PCDHGB7: variants seen among roughly 807,000 people sequenced by gnomAD.
The protein encoded by PCDHGB7 is protocadherin gamma-B7.
In PCDHGB7, 37 loss-of-function variants were observed where a neutral mutation model predicts 61.4. The ratio of observed to expected loss-of-function variants is 0.60; its 90% CI spans 0.46 to 0.79. PCDHGB7 has a LOEUF of 0.79. Ranked by LOEUF, PCDHGB7 falls within the 30% of genes least tolerant of loss-of-function variation. The pLI, the probability that PCDHGB7 is intolerant of heterozygous loss-of-function variation, is 0.00. For synonymous variants in PCDHGB7, 464 were observed against 503.5 expected (o/e 0.92, Z 1.05); for missense variants, 1,166 against 1,202.5 (o/e 0.97, Z 0.45).
chr5:141,494,759 C>A (rs776923097), intron 1 of PCDHGB7, 48 bp from the exon 2 acceptor site: 3 of 1,613,886 alleles, frequency 1.9e-6, no homozygotes, highest in Non-Finnish European at 2.5e-6. Context: ...GGGTGACATT[C>A]TAACTTCTCA....
At chr5:141,460,596 C>G (rs930441447) in intron 1 of PCDHGB7, among the ~76,000 whole-genome samples, 2 of 151,986 alleles carry the variant, frequency 1.3e-5, no homozygotes, top group Non-Finnish European at 2.9e-5. Flanking sequence ...TTTCTGGGCT[C>G]TCTGTGTTAG....
chr5:141,423,078 C>T (rs752144906), intron 1 of PCDHGB7: 2 of 1,614,108 alleles, frequency 1.2e-6, no homozygotes, highest in Non-Finnish European at 1.7e-6. Context: ...AGCCGGGACT[C>T]TTCGCGGTGG....
At chr5:141,440,617 C>T (rs1469883341) in intron 1 of PCDHGB7, 1 of 152,168 alleles carries the variant, frequency 6.6e-6, no homozygotes, top group East Asian at 1.9e-4. Context: ...TGCAGAAGAT[C>T]CTGATGTTGA....
intron 1 of PCDHGB7, among the ~76,000 whole-genome samples, chr5:141,461,782 TAG>T (rs2099022757): frequency 6.6e-6 from 1 of 152,086 alleles, no homozygotes; most frequent in South Asian, 2.1e-4. Context: ...GCCTCCCAAG[TAG>T]CTGGGATTAC....
intron 1 of PCDHGB7, chr5:141,423,748 T>TG: frequency 7.2e-6 from 2 of 278,014 alleles, no homozygotes; most frequent in Admixed American, 4.2e-4. Flanking sequence ...ATGAAAACTG[T>TG]TTGGGGGGGG....
intron 1 of PCDHGB7, chr5:141,428,210 A>T: frequency 7.7e-7 from 1 of 1,293,350 alleles, no homozygotes; most frequent in Non-Finnish European, 1.1e-6. Flanking sequence ...GCTACGCTTC[A>T]CCTAGTCTTC....
intron 1 of PCDHGB7, among the ~76,000 whole-genome samples, chr5:141,464,440 T>C (rs566597587): frequency 6.6e-6 from 1 of 151,608 alleles, no homozygotes; most frequent in South Asian, 2.1e-4. Context: ...TATATGTTTG[T>C]TGTTGTTGTT....
chr5:141,486,843 A>G lies in PCDHGB7; in HGVS notation c.2416-7964A>G, dbSNP rs1455684942. On this transcript the variant is annotated intron_variant, in intron 1 of 3. Coordinates refer to ENST00000398594, the MANE Select transcript of PCDHGB7 (RefSeq NM_018927.4). The surrounding 1 kb of genome is among the most constrained non-coding windows in gnomAD (Gnocchi z 5.0). ...GTAACAGTTCGTCTATTTGTGCTGG[A>G]CCTCAATGACAATGCTCCAGCTGTG... 6.2e-7 allele frequency: 1 copy of G among 1,614,214 alleles called. No homozygotes were observed. Among genetic ancestry groups the G allele is most frequent in the Admixed American group, 1.7e-5 (1 of 60,034 alleles).
chr5:141,473,362 C>A (rs2099320242), intron 1 of PCDHGB7, among the ~76,000 whole-genome samples: 1 of 152,166 alleles, frequency 6.6e-6, no homozygotes, highest in Admixed American at 6.5e-5. Context: ...AAGTGGCCAC[C>A]AAAATAGCAT....
rs772195653 is a variant in PCDHGB7 at position 141,477,704 on chromosome 5, C to A, written c.2416-17103C>A. On this transcript the variant is annotated intron_variant, in intron 1 of 3. Transcript: ENST00000398594. The surrounding 1 kb of genome is among the most constrained non-coding windows in gnomAD (Gnocchi z 4.9). ...CTTAGTGCCCCTAGACTATGAGGAT[C>A]GGCGGGAATTTGAATTAACAGCTCA... The A allele has an allele frequency of 5.0e-6, 8 of 1,613,850 alleles. No individual in the cohort carries two copies. Among genetic ancestry groups the A allele is most frequent in the Non-Finnish European group, 5.9e-6 (7 of 1,180,046 alleles).
At chr5:141,444,471 G>A (rs929365899) in intron 1 of PCDHGB7, among the ~76,000 whole-genome samples, 1 of 151,876 alleles carries the variant, frequency 6.6e-6, no homozygotes, top group Non-Finnish European at 1.5e-5. Flanking sequence ...GCGCCCGGTC[G>A]CGTACTGGAT....
intron 1 of PCDHGB7, among the ~76,000 whole-genome samples, chr5:141,443,722 C>G (rs2098401001): frequency 6.6e-6 from 1 of 152,012 alleles, no homozygotes; most frequent in Admixed American, 6.6e-5. Context: ...TATAAAATTC[C>G]TCATACATTT....
intron 1 of PCDHGB7, among the ~76,000 whole-genome samples, chr5:141,425,111 A>G (rs2096857405): frequency 6.6e-6 from 1 of 152,144 alleles, no homozygotes; most frequent in Admixed American, 6.5e-5. Context: ...AGATGCCTAC[A>G]TTTTTCTTGA....
chr5:141,469,354 A>G (rs1160934469), intron 1 of PCDHGB7, among the ~76,000 whole-genome samples: 1 of 152,128 alleles, frequency 6.6e-6, no homozygotes, highest in Non-Finnish European at 1.5e-5. Flanking sequence ...AGGTGGATGG[A>G]TCATGAGGTA....
chr5:141,489,222 A>C lies in PCDHGB7; in HGVS notation c.2416-5585A>C. On this transcript the variant is annotated intron_variant, in intron 1 of 3. Coordinates refer to ENST00000398594, the MANE Select transcript of PCDHGB7 (RefSeq NM_018927.4). The surrounding 1 kb of genome is among the most constrained non-coding windows in gnomAD (Gnocchi z 4.5). ...ACAGGACAGCACAGACTTACTCTCC[A>C]CAAAGGGACTTCTGGGTCATGGGGC... 6.6e-7 allele frequency: 1 copy of C among 1,515,652 alleles called. No individual in the cohort carries two copies. Among genetic ancestry groups the C allele is most frequent in the Middle Eastern group, 1.8e-4 (1 of 5,598 alleles). 93.9% of individuals were successfully genotyped at this position (1,515,652 alleles called of 1,614,324 possible).
chr5:141,424,353 T>C (rs923306479), intron 1 of PCDHGB7: 1 of 152,246 alleles, frequency 6.6e-6, no homozygotes, highest in African/African-American at 2.4e-5. Flanking sequence ...GGAGATAAAA[T>C]TTAGATCACA....
chr5:141,475,616 G>A (rs2099366026), intron 1 of PCDHGB7, among the ~76,000 whole-genome samples: 1 of 152,206 alleles, frequency 6.6e-6, no homozygotes, highest in Admixed American at 6.5e-5. Flanking sequence ...GTAGTTTTCG[G>A]TTTGGTTCGA....
chr5:141,421,512 G>T, intron 1 of PCDHGB7: 2 of 1,614,094 alleles, frequency 1.2e-6, no homozygotes, highest in Non-Finnish European at 1.7e-6. Context: ...ACCGGGAGGA[G>T]CTCTGTGAGA....
intron 1 of PCDHGB7, among the ~76,000 whole-genome samples, chr5:141,462,035 C>G (rs35674654): frequency 2.0e-5 from 3 of 152,076 alleles, no homozygotes; most frequent in Non-Finnish European, 4.4e-5. Context: ...GTTGGTCAGG[C>G]GGGTCTTGAA....
Sources: allele counts gnomAD v4.1 joint callset (sites outside exome capture counted in the v4.1 genomes callset), GRCh38; gene constraint gnomAD v4.1.1; non-coding constraint Gnocchi (gnomAD v3.1); transcripts MANE v1.5; gene names NCBI Gene and HGNC (gene_info 2026-07-23, HGNC 2026-07-21).